Variants in MTHFD2L observed in about 807,000 individuals in gnomAD.
MTHFD2L encodes bifunctional methylenetetrahydrofolate dehydrogenase/cyclohydrolase 2, mitochondrial.
Under a neutral mutation model 34.9 loss-of-function variants are expected in MTHFD2L, and 29 were observed. That is an observed-to-expected ratio of 0.83 (90% CI 0.62 to 1.13). The LOEUF (loss-of-function observed/expected upper bound fraction) is 1.13, where lower values mean the gene tolerates loss of function less well. Among genes scored for constraint, MTHFD2L ranks in the 50% most tolerant of loss-of-function variants. The pLI, the probability that MTHFD2L is intolerant of heterozygous loss-of-function variation, is 0.00. For missense variants in MTHFD2L, 481 were observed against 446.5 expected, an observed-to-expected ratio of 1.08 and a Z score of -0.70; for synonymous variants, 167 against 155.7, an observed-to-expected ratio of 1.07 and a Z score of -0.54.
At chr4:74,154,092 C>T (rs373655542), upstream of MTHFD2L, among the ~76,000 whole-genome samples, 21 of 152,206 alleles carry the variant, frequency 1.4e-4, no homozygotes, top group African/African-American at 4.8e-4. Flanking sequence ...ACATACTCTT[C>T]GGGTATATTG....
intron 6 of MTHFD2L, chr4:74,268,114 T>C (rs1456855369): frequency 1.0e-6 from 1 of 984,702 alleles, no homozygotes; most frequent in Non-Finnish European, 1.2e-6. Flanking sequence ...ACTGACTCAC[T>C]GGGTTGTAAA....
At chr4:74,252,499 A>T (rs1178743011) in intron 6 of MTHFD2L, among the ~76,000 whole-genome samples, 1 of 152,232 alleles carries the variant, frequency 6.6e-6, no homozygotes, top group African/African-American at 2.4e-5. Flanking sequence ...GAAGATAAAA[A>T]AGGGATTATA....
chr4:74,157,204 T>C (rs1337053652), upstream of MTHFD2L: 1 of 167,750 alleles, frequency 6.0e-6, no homozygotes, highest in Non-Finnish European at 1.3e-5. Context: ...CCATTCTTAT[T>C]GATATGATTT....
At chr4:74,233,443 T>A (rs1740385542) in intron 6 of MTHFD2L, among the ~76,000 whole-genome samples, 1 of 152,172 alleles carries the variant, frequency 6.6e-6, no homozygotes. Context: ...GTAATACTAG[T>A]GTTTATAAAC....
intron 7 of MTHFD2L, among the ~76,000 whole-genome samples, chr4:74,283,334 G>A (rs920918180): frequency 6.6e-6 from 1 of 152,070 alleles, no homozygotes; most frequent in African/African-American, 2.4e-5. Flanking sequence ...TTTTACATGA[G>A]CATTTTTGGT....
intron 1 of MTHFD2L, among the ~76,000 whole-genome samples, chr4:74,134,817 T>C (rs374122631): frequency 6.6e-6 from 1 of 152,162 alleles, no homozygotes; most frequent in East Asian, 1.9e-4. Context: ...CTACATTTGC[T>C]GAACTAAGAA....
chr4:74,265,115 C>G lies in MTHFD2L; in HGVS notation c.806-16310C>G, dbSNP rs1745127275. 2.6e-5 allele frequency among the ~76,000 whole-genome samples: 4 copies of G among 152,110 alleles called. No homozygotes were observed. In the South Asian group the frequency reaches 8.3e-4, roughly 31 times the overall value. ...CTGTGGAAGAAATCATGTCAAAACT[C>G]AGTGGCTTAAAACAATAGTCATCAT... On this transcript the variant is annotated intron_variant, in intron 6 of 7. Coordinates refer to ENST00000325278, the MANE Select transcript of MTHFD2L (RefSeq NM_001144978.3).
upstream of MTHFD2L, among the ~76,000 whole-genome samples, chr4:74,119,947 C>A (rs1295555195): frequency 6.6e-6 from 1 of 151,828 alleles, no homozygotes; most frequent in Non-Finnish European, 1.5e-5. Context: ...GGAAACCAAG[C>A]ACCCTGTGTT....
At chr4:74,153,522 G>C (rs2109863834), upstream of MTHFD2L, among the ~76,000 whole-genome samples, 2 of 152,284 alleles carry the variant, frequency 1.3e-5, no homozygotes, top group South Asian at 4.1e-4. Context: ...AATCATCCCT[G>C]ATTTAACTCA....
At chr4:74,152,410 A>G (rs891191067) in intron 1 of MTHFD2L, among the ~76,000 whole-genome samples, 4 of 152,164 alleles carry the variant, frequency 2.6e-5, no homozygotes, top group Admixed American at 2.6e-4. Flanking sequence ...GGTTTTTAAA[A>G]CACATATGCT....
chr4:74,170,464 G>A (rs1320861116), intron 1 of MTHFD2L, among the ~76,000 whole-genome samples: 2 of 152,152 alleles, frequency 1.3e-5, no homozygotes, highest in Non-Finnish European at 2.9e-5. Context: ...TAAACTGAAT[G>A]TATAACTTAG....
chr4:74,127,479 A>G (rs1722163870), intron 1 of MTHFD2L, among the ~76,000 whole-genome samples: 1 of 152,166 alleles, frequency 6.6e-6, no homozygotes, highest in Non-Finnish European at 1.5e-5. Context: ...TGTCTCCCAC[A>G]TATGAGTGAG....
intron 7 of MTHFD2L, among the ~76,000 whole-genome samples, chr4:74,300,094 T>C (rs1370736719): frequency 6.6e-6 from 1 of 152,056 alleles, no homozygotes; most frequent in Non-Finnish European, 1.5e-5. Flanking sequence ...AATGTTTCTA[T>C]AGAATAGAAT....
intron 1 of MTHFD2L, among the ~76,000 whole-genome samples, chr4:74,147,087 G>A (rs934775725): frequency 6.6e-6 from 1 of 152,086 alleles, no homozygotes; most frequent in African/African-American, 2.4e-5. Flanking sequence ...TTCCCTGTTT[G>A]CTGTTGTTTC....
intron 6 of MTHFD2L, among the ~76,000 whole-genome samples, chr4:74,246,610 A>T (rs1047691291): frequency 1.3e-5 from 2 of 152,132 alleles, no homozygotes; most frequent in African/African-American, 4.8e-5. Context: ...TTACAGTTTT[A>T]GGTCTAACAT....
chr4:74,145,077 T>C (rs1350080551), intron 1 of MTHFD2L, among the ~76,000 whole-genome samples: 1 of 151,978 alleles, frequency 6.6e-6, no homozygotes, highest in Non-Finnish European at 1.5e-5. Flanking sequence ...GATATAATCT[T>C]GAAATAGAGA....
intron 1 of MTHFD2L, among the ~76,000 whole-genome samples, chr4:74,133,006 A>G (rs536423767): frequency 3.9e-4 from 60 of 152,282 alleles, no homozygotes; most frequent in Non-Finnish European, 6.8e-4. Context: ...TCTTTTAGTT[A>G]GTACACTAAT....
chr4:74,170,341 C>G (rs6446976), intron 1 of MTHFD2L, among the ~76,000 whole-genome samples: 119,180 of 151,922 alleles, frequency 0.78, 51,784 homozygotes, highest in Non-Finnish European at 0.96. Flanking sequence ...GATCAGTTAC[C>G]ATATTAACAG....
At chr4:74,225,472 A>G in intron 6 of MTHFD2L, 78 bp downstream of exon 6, 1 of 1,185,650 alleles carries the variant, frequency 8.4e-7, no homozygotes. Flanking sequence ...CATGTTTGAA[A>G]GCTTTTTGAG....
Sources: allele counts gnomAD v4.1 joint callset (sites outside exome capture counted in the v4.1 genomes callset), GRCh38; gene constraint gnomAD v4.1.1; transcripts MANE v1.5; gene names NCBI Gene and HGNC (gene_info 2026-07-23, HGNC 2026-07-21).